The following DROSHA variants were observed in gnomAD, a reference collection of about 807,000 sequenced individuals.
The protein encoded by DROSHA is drosha ribonuclease III.
A neutral mutation model predicts 181.9 loss-of-function variants in DROSHA; 56 were observed. The observed-to-expected ratio is 0.31, with a 90% CI of 0.25 to 0.38. The LOEUF (loss-of-function observed/expected upper bound fraction) is 0.38, where lower values mean the gene tolerates loss of function less well. Ranked by LOEUF, DROSHA falls within the 10% of genes least tolerant of loss-of-function variation. The pLI is 1.00. For synonymous variants in DROSHA, 524 were observed against 591.2 expected (o/e 0.89, Z 1.65); for missense variants, 1,218 against 1,743.5 (o/e 0.70, Z 5.37).
chr5:31,488,439 G>A (rs1014650160), intron 13 of DROSHA, among the ~76,000 whole-genome samples: 1 of 149,166 alleles, frequency 6.7e-6, no homozygotes, highest in Non-Finnish European at 1.5e-5. Context: ...AAAAAAAGAT[G>A]GGGAGGAATT....
intron 16 of DROSHA, among the ~76,000 whole-genome samples, chr5:31,482,085 C>A (rs1751094156): frequency 6.6e-6 from 1 of 152,178 alleles, no homozygotes; most frequent in Admixed American, 6.5e-5. Context: ...GGCTTCTGCC[C>A]ATGGGAAGAC....
chr5:31,501,298 C>G (rs147873167), intron 11 of DROSHA, among the ~76,000 whole-genome samples: 249 of 152,002 alleles, frequency 1.6e-3, no homozygotes, highest in Middle Eastern at 3.4e-3. Context: ...GTCTGACTTA[C>G]AGTGGGTCTA....
At chr5:31,510,968 T>C in intron 9 of DROSHA, 67 bp downstream of exon 9, 1 of 1,575,264 alleles carries the variant, frequency 6.3e-7, no homozygotes, top group Non-Finnish European at 8.6e-7. Context: ...TCAAGGGTAT[T>C]TCCCCAAAAT....
Position 31,429,463 on chromosome 5 carries a change from C to G in DROSHA, c.3216+12G>C. On this transcript the variant is annotated intron_variant, in intron 27 of 35. Transcript: ENST00000344624. ...ATATAACAAAAAAAATCAAATGATT[C>G]CATAGAAATACCGGATCATTAAAGA... The G allele has an allele frequency of 1.9e-6, 3 of 1,600,902 alleles. No homozygotes were observed. Among genetic ancestry groups the G allele is most frequent in the Non-Finnish European group, 2.6e-6 (3 of 1,174,894 alleles).
chr5:31,501,336 T>C (rs1753550726), intron 11 of DROSHA, among the ~76,000 whole-genome samples: 1 of 152,126 alleles, frequency 6.6e-6, no homozygotes, highest in African/African-American at 2.4e-5. Context: ...CCAGTGGTCC[T>C]TCCCCTGGTC....
rs1741032432 is a variant in DROSHA at position 31,409,418 on chromosome 5, T to A, written c.3668-86A>T. ...AGAGACCTAGACCTTTAAGCAAAAT[T>A]TTAGTAATAGTTTCAACTTCCAGGC... is the stretch of plus-strand genomic sequence containing the variant. On this transcript the variant is annotated intron_variant, in intron 31 of 35. Transcript: ENST00000344624. The surrounding 1 kb of genome is among the most constrained non-coding windows in gnomAD (Gnocchi z 4.0). 2 of 1,269,074 alleles carry A rather than the reference T, an allele frequency of 1.6e-6. 1 individual carries two copies. The highest frequency in any genetic ancestry group is 2.9e-5 in the South Asian group (2 of 69,888). 78.6% of individuals were successfully genotyped at this position (1,269,074 alleles called of 1,614,324 possible).
intron 20 of DROSHA, among the ~76,000 whole-genome samples, chr5:31,453,091 T>C (rs1194772330): frequency 2.0e-5 from 3 of 152,240 alleles, no homozygotes; most frequent in Admixed American, 6.5e-5. Flanking sequence ...TTCTAAAGCA[T>C]GAACTCAACC....
intron 10 of DROSHA, chr5:31,505,683 A>C (rs1288109558): frequency 6.6e-6 from 1 of 152,240 alleles, no homozygotes; most frequent in Non-Finnish European, 1.5e-5. Flanking sequence ...TTAAAAATAT[A>C]GGCTGGTCAG....
chr5:31,453,943 A>C (rs1003002111), intron 20 of DROSHA, among the ~76,000 whole-genome samples: 6 of 150,056 alleles, frequency 4.0e-5, no homozygotes, highest in African/African-American at 1.2e-4. Flanking sequence ...AAAAAAAAAA[A>C]CCCTCAAATT....
chr5:31,502,267 G>A (rs1753650887), intron 11 of DROSHA, among the ~76,000 whole-genome samples: 1 of 152,220 alleles, frequency 6.6e-6, no homozygotes, highest in Non-Finnish European at 1.5e-5. Context: ...CTGCTGCTGG[G>A]GCCATATGTT....
In DROSHA at chr5:31,451,070, C is replaced by T. The variant is rs138091041; in HGVS notation, c.2682+463G>A. ...TACCAAAATTAGCCAGGCATGGTGG[C>T]GGGCGCCTGTAATTCCAGCTACTCA... On this transcript the variant is annotated intron_variant, in intron 21 of 35. Transcript: ENST00000344624. Among the ~76,000 whole-genome samples, 110 of 152,164 alleles carry T rather than the reference C, an allele frequency of 7.2e-4. No homozygotes were observed. The East Asian group carries it at 0.012, about 16-fold the overall frequency.
chr5:31,486,239 T>A (rs750114824), intron 14 of DROSHA, among the ~76,000 whole-genome samples: 1 of 152,120 alleles, frequency 6.6e-6, no homozygotes, highest in Non-Finnish European at 1.5e-5. Flanking sequence ...TAGAAACAGA[T>A]GTAAAGTTAA....
intron 6 of DROSHA, among the ~76,000 whole-genome samples, chr5:31,519,249 T>G (rs1739606017): frequency 6.6e-6 from 1 of 152,142 alleles, no homozygotes; most frequent in South Asian, 2.1e-4. Context: ...ATCATCCACC[T>G]CAAATAGGTC....
At chr5:31,404,426 C>A (rs1381459551) in intron 35 of DROSHA, among the ~76,000 whole-genome samples, 1 of 152,080 alleles carries the variant, frequency 6.6e-6, no homozygotes, top group Non-Finnish European at 1.5e-5. Context: ...AAACTCCCTG[C>A]CCCTGAACAG....
chr5:31,447,679 A>G (rs1239739277), intron 23 of DROSHA, among the ~76,000 whole-genome samples: 1 of 152,242 alleles, frequency 6.6e-6, no homozygotes, highest in East Asian at 1.9e-4. Context: ...CCAATTAAAA[A>G]TGGGAAAAGG....
chr5:31,489,754 G>C (rs73064376), intron 13 of DROSHA, among the ~76,000 whole-genome samples: 220 of 152,308 alleles, frequency 1.4e-3, no homozygotes, highest in African/African-American at 5.1e-3. Context: ...CCAAATCCAG[G>C]AGTCAGCGAG....
intron 20 of DROSHA, among the ~76,000 whole-genome samples, chr5:31,456,347 G>C (rs1294405499): frequency 6.6e-6 from 1 of 152,104 alleles, no homozygotes; most frequent in Non-Finnish European, 1.5e-5. Flanking sequence ...GGATGAGGTT[G>C]CTGTCTGCCT....
chr5:31,515,298 G>A, intron 7 of DROSHA, 79 bp from the exon 8 acceptor site: 12 of 1,464,440 alleles, frequency 8.2e-6, no homozygotes, highest in Non-Finnish European at 1.1e-5. Flanking sequence ...CCTATTTGGT[G>A]CATTTTTCAC....
chr5:31,484,823 C>T, intron 15 of DROSHA, 58 bp downstream of exon 15: 7 of 1,244,844 alleles, frequency 5.6e-6, no homozygotes, highest in Non-Finnish European at 7.8e-6. Flanking sequence ...AGAGTTTTCA[C>T]ATATACCATA....
Sources: allele counts gnomAD v4.1 joint callset (sites outside exome capture counted in the v4.1 genomes callset), GRCh38; gene constraint gnomAD v4.1.1; non-coding constraint Gnocchi (gnomAD v3.1); transcripts MANE v1.5; gene names NCBI Gene and HGNC (gene_info 2026-07-23, HGNC 2026-07-21).